The following DUSP22 variants were observed in gnomAD, a reference collection of about 807,000 sequenced individuals.
DUSP22 encodes the protein dual specificity protein phosphatase 22.
DUSP22 carries 24 observed loss-of-function variants against 24.5 expected under a neutral mutation model. The observed-to-expected ratio is 0.98, with a 90% CI of 0.71 to 1.38. The LOEUF is 1.38. Ranked by LOEUF, DUSP22 falls within the 40% of genes most tolerant of loss-of-function variation. The pLI, the probability that DUSP22 is intolerant of heterozygous loss-of-function variation, is 0.00. For synonymous variants in DUSP22, 160 were observed against 106.4 expected (o/e 1.50, Z -3.10); for missense variants, 330 against 269.2 (o/e 1.23, Z -1.58).
intron 4 of DUSP22, among the ~76,000 whole-genome samples, chr6:338,665 T>C (rs1759467485): frequency 6.6e-6 from 1 of 152,310 alleles, no homozygotes; most frequent in South Asian, 2.1e-4. Context: ...TTCTCGGTGC[T>C]TCAGAGTTTC....
At chr6:321,023 C>T (rs1758563659) in intron 3 of DUSP22, among the ~76,000 whole-genome samples, 1 of 152,300 alleles carries the variant, frequency 6.6e-6, no homozygotes, top group Non-Finnish European at 1.5e-5. Flanking sequence ...GCCCTGGGCA[C>T]CCAGGGGAGG....
chr6:341,248 G>A (rs1249878042), intron 4 of DUSP22, among the ~76,000 whole-genome samples: 1 of 152,306 alleles, frequency 6.6e-6, no homozygotes, highest in East Asian at 1.9e-4. Flanking sequence ...ATTCCACACG[G>A]CTGTGCGTGG....
chr6:316,952 A>G (rs1163850521), intron 3 of DUSP22, among the ~76,000 whole-genome samples: 1 of 152,292 alleles, frequency 6.6e-6, no homozygotes, highest in African/African-American at 2.4e-5. Flanking sequence ...CAGCTTGGAT[A>G]TTTTCTGTTT....
At chr6:327,291 G>A (rs1211897128) in intron 3 of DUSP22, among the ~76,000 whole-genome samples, 1 of 152,306 alleles carries the variant, frequency 6.6e-6, no homozygotes, top group Non-Finnish European at 1.5e-5. Flanking sequence ...GTGGGAGCGT[G>A]CACTCACCAC....
At chr6:323,674 T>C (rs574864575) in intron 3 of DUSP22, among the ~76,000 whole-genome samples, 1,863 of 151,702 alleles carry the variant, frequency 0.012, 1 homozygote, top group African/African-American at 0.034. Flanking sequence ...CAGATTTCCC[T>C]GTCAGTTTGT....
At chr6:348,335 T>C (rs752334305) in intron 6 of DUSP22, 61 bp downstream of exon 6, 1 of 1,603,476 alleles carries the variant, frequency 6.2e-7, no homozygotes, top group Non-Finnish European at 8.5e-7. Context: ...GTGCCCACAG[T>C]CTTTCCGTAC....
At chr6:295,620 C>CA (rs61568173) in intron 1 of DUSP22, among the ~76,000 whole-genome samples, 5,836 of 148,130 alleles carry the variant, frequency 0.039, 2 homozygotes, top group African/African-American at 0.11. Context: ...ACCAAAAATA[C>CA]AAAAAAAAAA....
At chr6:309,259 C>T (rs1757958142) in intron 2 of DUSP22, among the ~76,000 whole-genome samples, 1 of 152,294 alleles carries the variant, frequency 6.6e-6, no homozygotes, top group Non-Finnish European at 1.5e-5. Context: ...GAGGACACTG[C>T]TATTATATTA....
intron 3 of DUSP22, among the ~76,000 whole-genome samples, chr6:330,148 C>A (rs577604319): frequency 2.0e-5 from 3 of 152,426 alleles, no homozygotes; most frequent in South Asian, 4.1e-4. Context: ...CTGGGCTCAC[C>A]ATACCGTCAC....
Position 350,713 on chromosome 6 carries a change from A to G in DUSP22, c.*1762A>G, listed in dbSNP as rs1760161355. ...CGTTAACAGAAAAATGATTTAGGATATAGCTTGAATGCTTAAATATGTGCA... is the reference window on the plus strand; with the variant it reads ...CGTTAACAGAAAAATGATTTAGGATGTAGCTTGAATGCTTAAATATGTGCA... On this transcript the variant is annotated 3_prime_UTR_variant, in exon 7 of 7. Coordinates refer to ENST00000419235, the MANE Select transcript of DUSP22 (RefSeq NM_001286555.3). 1.9e-6 allele frequency: 3 copies of G among 1,601,520 alleles called. No homozygotes were observed. The highest frequency in any genetic ancestry group is 2.7e-5 in the African/African-American group (2 of 74,348).
chr6:334,446 A>T (rs1431679643), intron 3 of DUSP22, among the ~76,000 whole-genome samples: 1 of 152,278 alleles, frequency 6.6e-6, no homozygotes, highest in Admixed American at 6.5e-5. Context: ...CTGTTGTAGC[A>T]TGGATTTACA....
chr6:314,038 A>G (rs1451008522), intron 3 of DUSP22, among the ~76,000 whole-genome samples: 10 of 152,298 alleles, frequency 6.6e-5, no homozygotes, highest in African/African-American at 2.4e-4. Context: ...ATGTGTTTGG[A>G]GTCGGTGGGG....
At chr6:347,851 C>T (rs1045263066) in intron 5 of DUSP22, among the ~76,000 whole-genome samples, 3 of 152,304 alleles carry the variant, frequency 2.0e-5, no homozygotes, top group South Asian at 4.1e-4. Context: ...TCTGGAGCCA[C>T]AGCCCATAGA....
At chr6:327,476 A>G (rs1206340076) in intron 3 of DUSP22, among the ~76,000 whole-genome samples, 1 of 152,312 alleles carries the variant, frequency 6.6e-6, no homozygotes, top group African/African-American at 2.4e-5. Flanking sequence ...GTCCCTCCTC[A>G]TGCATTCCTT....
At chr6:333,948 TAGG>T (rs1236196460) in intron 3 of DUSP22, among the ~76,000 whole-genome samples, 1 of 152,300 alleles carries the variant, frequency 6.6e-6, no homozygotes, top group Non-Finnish European at 1.5e-5. Flanking sequence ...TTAAAATGTG[TAGG>T]AGGTGTGGAA....
chr6:305,018 C>T (rs1757758730), intron 2 of DUSP22, among the ~76,000 whole-genome samples: 1 of 152,304 alleles, frequency 6.6e-6, no homozygotes, highest in Admixed American at 6.5e-5. Context: ...CGGCGTGTGT[C>T]AGAATGGCCT....
intron 1 of DUSP22, among the ~76,000 whole-genome samples, chr6:298,655 A>G (rs1200600918): frequency 3.9e-5 from 6 of 152,424 alleles, no homozygotes; most frequent in African/African-American, 1.2e-4. Flanking sequence ...GGTGATTTCA[A>G]AGCATTTCTG....
chr6:317,840 T>G (rs1758402439), intron 3 of DUSP22, among the ~76,000 whole-genome samples: 1 of 152,290 alleles, frequency 6.6e-6, no homozygotes, highest in Non-Finnish European at 1.5e-5. Context: ...TTAGCCCCGT[T>G]CCAAAGTGAG....
intron 3 of DUSP22, among the ~76,000 whole-genome samples, chr6:314,587 G>C (rs955385226): frequency 7.9e-5 from 12 of 152,298 alleles, no homozygotes; most frequent in Non-Finnish European, 1.5e-4. Flanking sequence ...CATATTGTTG[G>C]ATGTGGCCAT....
Sources: gnomAD v4.1 joint callset for allele counts (sites outside exome capture counted in the v4.1 genomes callset) on GRCh38, gnomAD v4.1.1 for gene constraint, MANE v1.5 for transcripts, NCBI Gene and HGNC (gene_info 2026-07-23, HGNC 2026-07-21) for gene names.